Variants in LHX3 observed in about 807,000 individuals in gnomAD.
The protein encoded by LHX3 is LIM homeobox 3.
A neutral mutation model predicts 32.4 loss-of-function variants in LHX3; 21 were observed. That is an observed-to-expected ratio of 0.65 (90% CI 0.46 to 0.93). LHX3 has a LOEUF of 0.93. Among genes scored for constraint, LHX3 ranks in the 40% least tolerant of loss-of-function variants. The pLI is 0.00. For synonymous variants in LHX3, 258 were observed against 246.8 expected, an observed-to-expected ratio of 1.05 and a Z score of -0.43; for missense variants, 626 against 560.0, an observed-to-expected ratio of 1.12 and a Z score of -1.19.
intron 1 of LHX3, 83 bp downstream of exon 1, chr9:136,204,851 G>A: frequency 8.6e-7 from 1 of 1,156,314 alleles, no homozygotes; most frequent in African/African-American, 1.5e-5. Flanking sequence ...TTCTTTGCCT[G>A]GCCGCTGGCC....
At chr9:136,200,918 C>G (rs1034838224) in intron 1 of LHX3, among the ~76,000 whole-genome samples, 165 bp from the exon 2 acceptor site, 3 of 152,234 alleles carry the variant, frequency 2.0e-5, no homozygotes, top group Non-Finnish European at 2.9e-5. Flanking sequence ...TTAAGTGGCC[C>G]CGCAAGTTCC....
In LHX3 at chr9:136,197,260, A is replaced by T. The variant is rs1184964765; in HGVS notation, c.*65T>A. 36 of 1,562,048 alleles carry T rather than the reference A, an allele frequency of 2.3e-5. 1 individual carries two copies. The South Asian group carries it at 3.2e-4, about 14-fold the overall frequency. ...GCCCCACTTCCTCGGAAACCCCAGC[A>T]GCCCCGAGCCGCCCACCCAGGGGCA... On this transcript the variant is annotated 3_prime_UTR_variant, in exon 6 of 6. Coordinates refer to ENST00000371748, the MANE Select transcript of LHX3 (RefSeq NM_178138.6).
intron 1 of LHX3, chr9:136,201,768 G>A (rs1831644906): frequency 1.1e-6 from 1 of 910,994 alleles, no homozygotes; most frequent in South Asian, 5.0e-5. Flanking sequence ...GGCGATGAAT[G>A]CGCCCCGCAT....
rs942822973 is a variant in LHX3, at chr9:136,199,766, C to T, written c.366G>A (p.Lys122=). ...HLHCFACVVC[K]RQLATGDEFY... is the part of the protein sequence containing the mutation. The stretch of plus-strand genomic sequence containing the variant: ...ACTCGTCGCCCGTGGCCAGCTGCCG[C>T]TTGCACACGACGCAGGCAAAGCAGT... The change falls in exon 3 of 6, where the codon AAG becomes AAA. Residue 122 remains lysine, a synonymous_variant. Coordinates refer to ENST00000371748, the MANE Select transcript of LHX3 (RefSeq NM_178138.6). 5 of 1,612,832 alleles carry T rather than the reference C, an allele frequency of 3.1e-6. No individual in the cohort carries two copies. In the African/African-American group the frequency reaches 5.3e-5, roughly 17 times the overall value.
rs1813683203 is a variant in LHX3, at chr9:136,201,127, C to A, written c.80-374G>T. The A allele has an allele frequency of 8.6e-6, 12 of 1,392,938 alleles. No homozygotes were observed. In the South Asian group the frequency reaches 2.1e-4, roughly 24 times the overall value. 86.3% of individuals were successfully genotyped at this position (1,392,938 alleles called of 1,614,324 possible). On this transcript the variant is annotated intron_variant, in intron 1 of 5. Coordinates refer to ENST00000371748, the MANE Select transcript of LHX3 (RefSeq NM_178138.6). ...CCCAGGGGGATCTGCTCTCTGAAGCCCGGCAGGAAACATAGGGAAACGGGT... is the reference window on the plus strand; with the variant it reads ...CCCAGGGGGATCTGCTCTCTGAAGCACGGCAGGAAACATAGGGAAACGGGT...
intron 3 of LHX3, among the ~76,000 whole-genome samples, 190 bp downstream of exon 3, chr9:136,199,488 G>A (rs1314048123): frequency 6.6e-6 from 1 of 152,280 alleles, no homozygotes; most frequent in African/African-American, 2.4e-5. Context: ...CGAACGAAGC[G>A]GTTCGGGACG....
rs1309067174 is a variant in LHX3, at chr9:136,201,276, TC to T, written c.80-524del. 2.4e-6 allele frequency: 3 copies of T among 1,272,244 alleles called. No individual in the cohort carries two copies. In the Admixed American group the frequency reaches 1.1e-4, roughly 47 times the overall value. 78.8% of individuals were successfully genotyped at this position (1,272,244 alleles called of 1,614,324 possible). The stretch of plus-strand genomic sequence containing the variant: ...TGCCTGGTGGCCCTGTCTGCAGGCC[TC>T]CGGGGTAAATATCAATGCCTTCCCC... On this transcript the variant is annotated intron_variant, in intron 1 of 5. Transcript: ENST00000371748.
Position 136,197,223 on chromosome 9 carries a change from CT to C in LHX3, c.*101del, listed in dbSNP as rs1272612681. 4.6e-6 allele frequency: 6 copies of C among 1,294,350 alleles called. No individual in the cohort carries two copies. The East Asian group carries it at 1.2e-4, about 27-fold the overall frequency. The allele number at this position is 1,294,350 out of a possible 1,614,324, so 80.2% of individuals were successfully genotyped here. On this transcript the variant is annotated 3_prime_UTR_variant, in exon 6 of 6. Coordinates refer to ENST00000371748, the MANE Select transcript of LHX3 (RefSeq NM_178138.6). ...GAGGCTCCGAAGGCACCAGCCCTCC[CT>C]TGACGCCCTGGCCCCACTTCCTCGG...
In LHX3 at chr9:136,199,873, C is replaced by T. The variant is rs749180737; in HGVS notation, c.259G>A (p.Gly87Arg). The change falls in exon 3 of 6, where the codon GGG becomes AGG. Residue 87 changes from glycine to arginine, a missense_variant. Coordinates refer to ENST00000371748, the MANE Select transcript of LHX3 (RefSeq NM_178138.6). ...YCKDDFFKRF[G>R]TKCAACQLGI... ...AGCTGGCACGCGGCGCACTTGGTCC[C>T]GAAGCGCCTGCGGGACGCACAGGGC... is the stretch of plus-strand genomic sequence containing the variant. 9 of 1,591,068 alleles carry T rather than the reference C, an allele frequency of 5.7e-6. No individual in the cohort carries two copies. The highest frequency in any genetic ancestry group is 4.6e-5 in the East Asian group (2 of 43,310).
chr9:136,199,596 T>TCC, intron 3 of LHX3, 82 bp downstream of exon 3: 1 of 1,469,238 alleles, frequency 6.8e-7, no homozygotes. Flanking sequence ...GGAGAGAATT[T>TCC]CCCCGGACGC....
In LHX3 at chr9:136,198,964, G is replaced by T; in HGVS notation, c.550C>A (p.Arg184Ser). The T allele has an allele frequency of 1.3e-6, 2 of 1,589,576 alleles. No individual in the cohort carries two copies. The highest frequency in any genetic ancestry group is 8.5e-7 in the Non-Finnish European group (1 of 1,172,028). The change falls in exon 4 of 6, where the codon CGC (arginine) becomes AGC (serine). Residue 184 changes from arginine to serine, a missense_variant. Physicochemically the swap from Arg to Ser is moderately radical, Grantham distance 110. Transcript: ENST00000371748. ...SAYNTSPKPA[R>S]HVREQLSSET... is the part of the protein sequence containing the mutation. Reference sequence around the variant, plus strand: ...GACGAGAGCTGCTCGCGCACGTGGCGCGCCGGCTTGGGCGAGGTGTTGTAA... The same window carrying T: ...GACGAGAGCTGCTCGCGCACGTGGCTCGCCGGCTTGGGCGAGGTGTTGTAA...
chr9:136,204,986 G>A lies in LHX3; in HGVS notation c.27C>T (p.Arg9=), dbSNP rs557181581. ...CGGCGGCCCCGGGCCTCGCTCGGTC[G>A]CGCTCGAGCCCCGTTTCCAGCAGCA... is the stretch of plus-strand genomic sequence containing the variant. MLLETGLE[R]DRARPGAAAV... is the part of the protein sequence containing the mutation. The change falls in exon 1 of 6, where the codon CGC becomes CGT. Residue 9 remains arginine, a synonymous_variant. Coordinates refer to ENST00000371748, the MANE Select transcript of LHX3 (RefSeq NM_178138.6). 71 of 1,592,542 alleles carry A rather than the reference G, an allele frequency of 4.5e-5. No homozygotes were observed. The South Asian group carries it at 7.4e-4, about 17-fold the overall frequency.
rs1357275975 is a variant in LHX3 at position 136,197,574 on chromosome 9, G to A, written c.945C>T (p.Tyr315=). The change falls in exon 6 of 6, where the codon TAC becomes TAT. Residue 315 remains tyrosine, a synonymous_variant. Coordinates refer to ENST00000371748, the MANE Select transcript of LHX3 (RefSeq NM_178138.6). The part of the protein sequence containing the change: ...QYRELRPGSP[Y]GVPPSPAAPQ... ...GGGCGGCGGGGGATGGGGGGACACC[G>A]TAGGGGCTGCCGGGACGCAGCTCTC... 5.9e-6 allele frequency: 9 copies of A among 1,535,658 alleles called. No individual in the cohort carries two copies. The highest frequency in any genetic ancestry group is 1.4e-5 in the African/African-American group (1 of 72,902).
At chr9:136,197,820 G>A in intron 5 of LHX3, 77 bp from the exon 6 acceptor site, 2 of 1,509,160 alleles carry the variant, frequency 1.3e-6, no homozygotes, top group South Asian at 2.3e-5. Context: ...GCAGGCGGAG[G>A]CACCCCTGGG....
Position 136,197,121 on chromosome 9 carries a change from CG to C in LHX3, c.*203del. The C allele has an allele frequency of 1.7e-6, 1 of 601,644 alleles. No individual in the cohort carries two copies. Among genetic ancestry groups the C allele is most frequent in the Non-Finnish European group, 2.9e-6 (1 of 340,302 alleles). 37.3% of individuals were successfully genotyped at this position (601,644 alleles called of 1,614,324 possible). A position where few individuals can be genotyped will look rare whatever the true frequency, so the allele number is the denominator to read the frequency against. ...GCTGGCTTGCTGGGAGGCCACCTGG[CG>C]GGCCAGCCCTGTGTCAGAGGAGGGG... On this transcript the variant is annotated 3_prime_UTR_variant, in exon 6 of 6. Coordinates refer to ENST00000371748, the MANE Select transcript of LHX3 (RefSeq NM_178138.6).
In LHX3 at chr9:136,198,785, C is replaced by G; in HGVS notation, c.642G>C (p.Arg214Ser). Residue 214 changes from arginine (R) to serine (S), a missense_variant, in exon 5 of 6, where the codon AGG (arginine) becomes AGC (serine). Physicochemically the swap from Arg to Ser is moderately radical, Grantham distance 110. Transcript: ENST00000371748. ...WFQNRRAKEK[R>S]LKKDAGRQRW... ...GCTGCCGGCCGGCGTCCTTCTTCAG[C>G]CTCTTCTCCTTGGCCCGGCGGTTCT... is the stretch of plus-strand genomic sequence containing the variant. 1 of 1,610,566 alleles carries G rather than the reference C, an allele frequency of 6.2e-7. No homozygotes were observed. Among genetic ancestry groups the G allele is most frequent in the Non-Finnish European group, 8.5e-7 (1 of 1,179,572 alleles).
rs183980824 is a variant in LHX3 at position 136,200,746 on chromosome 9, C to T, written c.87G>A (p.Pro29=). ...VCTLGGTREI[P]LCAGCDQHIL... ...TGTGCTGGTCACAGCCAGCGCACAG[C>T]GGGATCTCTGTGGGCACGAGGAAGT... Residue 29 remains proline (P), a synonymous_variant, in exon 2 of 6, where the codon CCG becomes CCA. Transcript: ENST00000371748. 9.9e-5 allele frequency: 159 copies of T among 1,613,404 alleles called. No individual in the cohort carries two copies. The highest frequency in any genetic ancestry group is 1.7e-4 in the Middle Eastern group (1 of 6,058).
At position 136,200,608 on chromosome 9, in the gene LHX3, G is replaced by T; in HGVS notation, c.225C>A (p.Ser75Arg). 6.2e-7 allele frequency: 1 copy of T among 1,613,500 alleles called. No individual in the cohort carries two copies. Among genetic ancestry groups the T allele is most frequent in the Non-Finnish European group, 8.5e-7 (1 of 1,180,018 alleles). Residue 75 changes from serine (S) to arginine (R), a missense_variant, in exon 2 of 6, where the codon AGC (serine) becomes AGA (arginine). Transcript: ENST00000371748. ...TGAAAAAGTCGTCCTTGCAGTAAAC[G>T]CTCTCCCCTCGGCTGAAGCAGCGCT... ...LAERCFSRGE[S>R]VYCKDDFFKR...
rs1339885020 is a variant in LHX3, at chr9:136,197,221, C to T, written c.*104G>A. ...GGGAGGCTCCGAAGGCACCAGCCCTCCCTTGACGCCCTGGCCCCACTTCCT... is the reference window on the plus strand; with the variant it reads ...GGGAGGCTCCGAAGGCACCAGCCCTTCCTTGACGCCCTGGCCCCACTTCCT... On this transcript the variant is annotated 3_prime_UTR_variant, in exon 6 of 6. Coordinates refer to ENST00000371748, the MANE Select transcript of LHX3 (RefSeq NM_178138.6). 3.3e-6 allele frequency: 3 copies of T among 917,152 alleles called. No homozygotes were observed. Among genetic ancestry groups the T allele is most frequent in the African/African-American group, 3.2e-5 (2 of 62,396 alleles). The allele number at this position is 917,152 out of a possible 1,614,324, so 56.8% of individuals were successfully genotyped here.
Sources: gnomAD v4.1 joint callset for allele counts (sites outside exome capture counted in the v4.1 genomes callset) on GRCh38, gnomAD v4.1.1 for gene constraint, MANE v1.5 for transcripts, NCBI Gene and HGNC (gene_info 2026-07-23, HGNC 2026-07-21) for gene names.